Variants in UNC13C observed in about 807,000 individuals in gnomAD.
The protein encoded by UNC13C is unc-13 homolog C.
UNC13C carries 174 observed loss-of-function variants against 245.4 expected under a neutral mutation model. The ratio of observed to expected loss-of-function variants is 0.71; its 90% CI spans 0.63 to 0.80. UNC13C has a LOEUF of 0.80. Ranked by LOEUF, UNC13C falls within the 30% of genes least tolerant of loss-of-function variation. UNC13C has a pLI of 0.00. For synonymous variants in UNC13C, 992 were observed against 895.1 expected (o/e 1.11, Z -1.93); for missense variants, 2,829 against 2,602.9 (o/e 1.09, Z -1.89).
intron 2 of UNC13C, among the ~76,000 whole-genome samples, chr15:54,055,421 G>C (rs1220520740): frequency 6.6e-6 from 1 of 152,106 alleles, no homozygotes; most frequent in African/African-American, 2.4e-5. Context: ...TATATTTCTT[G>C]AGATTCTATT....
chr15:54,332,053 T>A lies in UNC13C; in HGVS notation c.4436T>A (p.Phe1479Tyr), dbSNP rs748498493. Residue 1479 changes from phenylalanine (F) to tyrosine (Y), a missense_variant, in exon 15 of 33, where the codon TTC becomes TAC. By Grantham distance (22) the Phe-to-Tyr change is conservative (BLOSUM62 3). Transcript: ENST00000260323. Reference sequence around the variant, plus strand: ...GTTTGCTTTGTACAGAGGGAAAAATTCATAAAACTACTGGACCAGTTACAT... The same window carrying A: ...GTTTGCTTTGTACAGAGGGAAAAATACATAAAACTACTGGACCAGTTACAT... ...FAATNFGREK[F>Y]IKLLDQLHNS... is the part of the protein sequence containing the mutation. 6.3e-7 allele frequency: 1 copy of A among 1,580,214 alleles called. No individual in the cohort carries two copies. The highest frequency in any genetic ancestry group is 8.6e-7 in the Non-Finnish European group (1 of 1,161,190).
At chr15:54,362,646 C>T (rs1447636238) in intron 17 of UNC13C, among the ~76,000 whole-genome samples, 1 of 152,094 alleles carries the variant, frequency 6.6e-6, no homozygotes, top group East Asian at 1.9e-4. Context: ...ATCCTTAGGA[C>T]CCACTCAAGA....
At position 54,627,623 on chromosome 15, in the gene UNC13C, A is replaced by AAAAT. The variant is rs1184615889; in HGVS notation, c.*512_*515dup. ...ATATTGTGATTTTTGCATACACATT[A>AAAAT]AAATAGAAAAGGTGGGAAATATTTT... On this transcript the variant is annotated 3_prime_UTR_variant, in exon 33 of 33. Coordinates refer to ENST00000260323, the MANE Select transcript of UNC13C (RefSeq NM_001080534.3). The AAAAT allele has an allele frequency of 1.3e-5, 2 of 152,766 alleles. No homozygotes were observed. The highest frequency in any genetic ancestry group is 2.9e-5 in the Non-Finnish European group (2 of 68,108). 9.5% of individuals were successfully genotyped at this position (152,766 alleles called of 1,614,324 possible). A position where few individuals can be genotyped will look rare whatever the true frequency, so the allele number is the denominator to read the frequency against.
chr15:53,924,453 G>A, the UNC13C span, among the ~76,000 whole-genome samples: 1 of 152,110 alleles, frequency 6.6e-6, no homozygotes, highest in Admixed American at 6.5e-5. Flanking sequence ...ATGTTTATAA[G>A]TGTAAAATAT....
intron 4 of UNC13C, among the ~76,000 whole-genome samples, chr15:54,189,119 G>A (rs1251732712): frequency 6.6e-6 from 1 of 152,092 alleles, no homozygotes; most frequent in Non-Finnish European, 1.5e-5. Flanking sequence ...ATAACTCATT[G>A]CCTATTATGA....
At chr15:54,273,773 T>C (rs1338296089) in intron 10 of UNC13C, among the ~76,000 whole-genome samples, 1 of 152,142 alleles carries the variant, frequency 6.6e-6, no homozygotes, top group African/African-American at 2.4e-5. Context: ...TGCCAATCTA[T>C]CTCTACTTGG....
intron 2 of UNC13C, among the ~76,000 whole-genome samples, chr15:54,120,400 A>AT: frequency 6.6e-6 from 1 of 152,096 alleles, no homozygotes; most frequent in Non-Finnish European, 1.5e-5. Context: ...TTTACTGAAT[A>AT]CTTACACTGC....
chr15:53,992,712 G>T (rs1246354970), intron 1 of UNC13C, among the ~76,000 whole-genome samples: 1 of 152,058 alleles, frequency 6.6e-6, no homozygotes, highest in African/African-American at 2.4e-5. Flanking sequence ...TGGACCTGGT[G>T]CTCAGCTTTT....
At chr15:54,075,377 C>G (rs528635864) in intron 2 of UNC13C, among the ~76,000 whole-genome samples, 1 of 151,570 alleles carries the variant, frequency 6.6e-6, no homozygotes, top group African/African-American at 2.4e-5. Context: ...TCCAGCCACT[C>G]GGGAGGCTGA....
intron 4 of UNC13C, among the ~76,000 whole-genome samples, chr15:54,182,528 A>G (rs1337367067): frequency 2.0e-5 from 3 of 152,050 alleles, no homozygotes; most frequent in African/African-American, 7.2e-5. Context: ...GCTTCATAGA[A>G]TGAGTCAGAA....
At chr15:54,194,970 T>C (rs1050498841) in intron 4 of UNC13C, among the ~76,000 whole-genome samples, 1 of 152,186 alleles carries the variant, frequency 6.6e-6, no homozygotes, top group Non-Finnish European at 1.5e-5. Flanking sequence ...TCCATTTAGT[T>C]TGTCATCTTT....
intron 19 of UNC13C, among the ~76,000 whole-genome samples, chr15:54,445,517 C>A (rs1471509153): frequency 6.6e-6 from 1 of 151,744 alleles, no homozygotes; most frequent in East Asian, 1.9e-4. Context: ...GATGGTATCT[C>A]ATTGTGGTTT....
chr15:54,085,325 C>G (rs935643714), intron 2 of UNC13C, among the ~76,000 whole-genome samples: 1 of 152,240 alleles, frequency 6.6e-6, no homozygotes, highest in South Asian at 2.1e-4. Context: ...TTTTGACAGG[C>G]CCTTAAAGCA....
chr15:54,560,386 C>T (rs1897254082), intron 29 of UNC13C, among the ~76,000 whole-genome samples: 1 of 151,510 alleles, frequency 6.6e-6, no homozygotes, highest in African/African-American at 2.4e-5. Context: ...AAAAAAATAG[C>T]TTGCCAAGCA....
At chr15:54,092,652 T>C (rs1366268527) in intron 2 of UNC13C, among the ~76,000 whole-genome samples, 1 of 152,182 alleles carries the variant, frequency 6.6e-6, no homozygotes, top group Non-Finnish European at 1.5e-5. Flanking sequence ...GAGAAATACT[T>C]AATATCTTTA....
At chr15:53,918,880 T>A in the UNC13C span, among the ~76,000 whole-genome samples, 7 of 152,064 alleles carry the variant, frequency 4.6e-5, no homozygotes, top group Non-Finnish European at 2.9e-5. Context: ...AAAGTACTTT[T>A]GAAAATGATG....
chr15:54,458,099 C>T (rs1891634683), intron 19 of UNC13C, among the ~76,000 whole-genome samples: 1 of 151,912 alleles, frequency 6.6e-6, no homozygotes, highest in Admixed American at 6.6e-5. Context: ...AATTATCATT[C>T]AGTTCAAGGA....
intron 19 of UNC13C, among the ~76,000 whole-genome samples, chr15:54,449,327 G>T (rs1055218118): frequency 6.6e-6 from 1 of 152,166 alleles, no homozygotes; most frequent in Admixed American, 6.6e-5. Flanking sequence ...GGCCTGCCTT[G>T]CTAGGTTGGG....
chr15:54,458,380 C>G (rs1891650258), intron 19 of UNC13C, among the ~76,000 whole-genome samples: 1 of 152,032 alleles, frequency 6.6e-6, no homozygotes, highest in South Asian at 2.1e-4. Context: ...TTAGAACGTT[C>G]TGCAAATATC....
Sources: allele counts gnomAD v4.1 joint callset (sites outside exome capture counted in the v4.1 genomes callset), GRCh38; gene constraint gnomAD v4.1.1; transcripts MANE v1.5; gene names NCBI Gene and HGNC (gene_info 2026-07-23, HGNC 2026-07-21).